LRMDA: variants seen among roughly 807,000 people sequenced by gnomAD.
LRMDA encodes leucine-rich melanocyte differentiation-associated protein.
LRMDA carries 18 observed loss-of-function variants against 29.8 expected under a neutral mutation model. That is an observed-to-expected ratio of 0.60 (90% CI 0.42 to 0.90). The LOEUF (loss-of-function observed/expected upper bound fraction) is 0.90. LRMDA is among the 40% of genes least tolerant of loss of function. LRMDA has a pLI of 0.00. For missense variants in LRMDA, 273 were observed against 273.9 expected (o/e 1.00, Z 0.02); for synonymous variants, 125 against 109.4 (o/e 1.14, Z -0.89).
chr10:75,918,390 A>G (rs1319005868), intron 2 of LRMDA, among the ~76,000 whole-genome samples: 2 of 152,200 alleles, frequency 1.3e-5, no homozygotes, highest in Middle Eastern at 3.4e-3. Flanking sequence ...GGAGTTTCCA[A>G]TCACGGTGGA....
intron 2 of LRMDA, among the ~76,000 whole-genome samples, chr10:75,455,491 C>T (rs1844504924): frequency 6.6e-6 from 1 of 152,256 alleles, no homozygotes; most frequent in South Asian, 2.1e-4. Flanking sequence ...TCAGATTCTC[C>T]CTGTGGACTT....
At chr10:76,240,186 A>ACACACAC (rs967188058) in intron 5 of LRMDA, among the ~76,000 whole-genome samples, 3 of 146,962 alleles carry the variant, frequency 2.0e-5, no homozygotes, top group African/African-American at 8.0e-5. Context: ...GCATACACAC[A>ACACACAC]CACACACCAC....
chr10:76,274,708 C>A (rs549360321), intron 5 of LRMDA, among the ~76,000 whole-genome samples: 12 of 152,138 alleles, frequency 7.9e-5, no homozygotes, highest in African/African-American at 2.9e-4. Context: ...AAAATTAGAT[C>A]AACAATCACT....
intron 2 of LRMDA, among the ~76,000 whole-genome samples, chr10:75,707,942 C>T (rs1842390079): frequency 1.3e-5 from 2 of 152,154 alleles, no homozygotes; most frequent in African/African-American, 4.8e-5. Flanking sequence ...AAATGTTTAT[C>T]CTTCCTTACT....
At chr10:75,655,736 A>G (rs1437030680) in intron 2 of LRMDA, among the ~76,000 whole-genome samples, 2 of 152,206 alleles carry the variant, frequency 1.3e-5, no homozygotes, top group African/African-American at 4.8e-5. Context: ...AGAGAAAGCC[A>G]TGGTTGGTTC....
intron 1 of LRMDA, among the ~76,000 whole-genome samples, chr10:75,433,390 C>T (rs1192730911): frequency 6.6e-6 from 1 of 152,134 alleles, no homozygotes; most frequent in Non-Finnish European, 1.5e-5. Flanking sequence ...GTGGGTGAGG[C>T]ATTTTAGGCC....
intron 6 of LRMDA, among the ~76,000 whole-genome samples, chr10:76,524,777 G>C (rs1054941893): frequency 2.8e-4 from 42 of 152,246 alleles, no homozygotes; most frequent in Admixed American, 1.7e-3. Flanking sequence ...GAAATTGCCA[G>C]TGGCAGTGCC....
intron 2 of LRMDA, among the ~76,000 whole-genome samples, chr10:75,681,717 A>T (rs944705113): frequency 6.6e-6 from 1 of 152,214 alleles, no homozygotes; most frequent in Admixed American, 6.5e-5. Flanking sequence ...GGCCTAGACC[A>T]GTATCAGTGG....
chr10:76,297,745 C>T (rs950690010), intron 5 of LRMDA, among the ~76,000 whole-genome samples: 1 of 152,100 alleles, frequency 6.6e-6, no homozygotes, highest in Non-Finnish European at 1.5e-5. Context: ...ATCACCATTG[C>T]CCCCCTTTAC....
chr10:76,471,105 T>C (rs1842613247), intron 6 of LRMDA, among the ~76,000 whole-genome samples: 1 of 151,752 alleles, frequency 6.6e-6, no homozygotes, highest in Non-Finnish European at 1.5e-5. Flanking sequence ...CGCCAGATGG[T>C]AACCCAAATC....
intron 2 of LRMDA, among the ~76,000 whole-genome samples, chr10:75,717,399 G>A (rs1049550760): frequency 1.1e-4 from 17 of 152,236 alleles, no homozygotes; most frequent in Non-Finnish European, 2.1e-4. Flanking sequence ...CTGGGGAATC[G>A]TGGGATCCTG....
In LRMDA at chr10:76,214,330, A is replaced by ATTTTTTT. The variant is rs753986574; in HGVS notation, c.517-110052_517-110046dup. 9.1e-4 allele frequency among the ~76,000 whole-genome samples: 79 copies of ATTTTTTT among 87,254 alleles called. 3 individuals carry two copies. Among genetic ancestry groups the ATTTTTTT allele is most frequent in the African/African-American group, 3.4e-3 (68 of 20,040 alleles). The allele number at this position is 87,254 out of a possible 152,430, so 57.2% of individuals were successfully genotyped here. A position where few individuals can be genotyped will look rare whatever the true frequency, so the allele number is the denominator to read the frequency against. Reference sequence around the variant, plus strand: ...TACTGTAAGATGTCACTTGAACCAAATTTTTTTTTTTTTTTTTTTTTTTTT... The same window carrying ATTTTTTT: ...TACTGTAAGATGTCACTTGAACCAAATTTTTTTTTTTTTTTTTTTTTTTTTTTTTTTT... On this transcript the variant is annotated intron_variant, in intron 5 of 6. Coordinates refer to ENST00000611255, the MANE Select transcript of LRMDA (RefSeq NM_001305581.2).
chr10:76,112,105 T>C (rs538979477), intron 5 of LRMDA, among the ~76,000 whole-genome samples: 4 of 152,276 alleles, frequency 2.6e-5, no homozygotes, highest in African/African-American at 9.6e-5. Context: ...AGGGAGTTAA[T>C]GAAAGCTGCA....
chr10:75,434,406 T>C (rs1321397540), intron 1 of LRMDA, among the ~76,000 whole-genome samples: 1 of 152,230 alleles, frequency 6.6e-6, no homozygotes, highest in Non-Finnish European at 1.5e-5. Flanking sequence ...TAATAAATGT[T>C]GGTTTTTACA....
At chr10:76,543,419 C>T (rs558408364) in intron 6 of LRMDA, among the ~76,000 whole-genome samples, 12 of 151,818 alleles carry the variant, frequency 7.9e-5, no homozygotes, top group Non-Finnish European at 1.5e-4. Flanking sequence ...TCAATTACTC[C>T]TCTCCCTGGC....
intron 2 of LRMDA, among the ~76,000 whole-genome samples, chr10:75,793,894 A>G (rs777161833): frequency 6.6e-6 from 1 of 152,252 alleles, no homozygotes; most frequent in Non-Finnish European, 1.5e-5. Context: ...AGGGCCAGAT[A>G]GAAAATATTT....
chr10:75,704,192 T>C (rs948140641), intron 2 of LRMDA, among the ~76,000 whole-genome samples: 8 of 152,200 alleles, frequency 5.3e-5, no homozygotes, highest in African/African-American at 1.9e-4. Flanking sequence ...ACCTGAAATA[T>C]GCATTATTGT....
At chr10:75,590,404 T>C (rs1194659159) in intron 2 of LRMDA, among the ~76,000 whole-genome samples, 2 of 149,148 alleles carry the variant, frequency 1.3e-5, no homozygotes, top group Non-Finnish European at 3.0e-5. Context: ...AATTTCTGGC[T>C]TTCTTCTAGT....
chr10:75,782,561 C>A lies in LRMDA; in HGVS notation c.132-253447C>A, dbSNP rs547069265. Reference sequence around the variant, plus strand: ...CTGTGAAGCGGAAAGGAGGCCGGTACTTTCAGCCTGAGGTCGGCCAGGGTG... The same window carrying A: ...CTGTGAAGCGGAAAGGAGGCCGGTAATTTCAGCCTGAGGTCGGCCAGGGTG... On this transcript the variant is annotated intron_variant, in intron 2 of 6. Coordinates refer to ENST00000611255, the MANE Select transcript of LRMDA (RefSeq NM_001305581.2). 3.0e-4 allele frequency among the ~76,000 whole-genome samples: 45 copies of A among 152,236 alleles called. No homozygotes were observed. The East Asian group carries it at 6.4e-3, about 22-fold the overall frequency.
Sources: gnomAD v4.1 joint callset for allele counts (sites outside exome capture counted in the v4.1 genomes callset) on GRCh38, gnomAD v4.1.1 for gene constraint, MANE v1.5 for transcripts, NCBI Gene and HGNC (gene_info 2026-07-23, HGNC 2026-07-21) for gene names.